ADCY2: variants seen among roughly 807,000 people sequenced by gnomAD.
The protein encoded by ADCY2 is adenylate cyclase 2, also known as adenylate cyclase type 2.
ADCY2 carries 31 observed loss-of-function variants against 125.2 expected under a neutral mutation model. That is an observed-to-expected ratio of 0.25 (90% CI 0.19 to 0.33). The LOEUF (loss-of-function observed/expected upper bound fraction) is 0.33, where lower values mean the gene tolerates loss of function less well. ADCY2 is among the 10% of genes least tolerant of loss of function. The probability of loss-of-function intolerance (pLI) is 1.00; values close to 1 mark genes in which losing one functional copy is unlikely to be tolerated. For missense variants in ADCY2, 904 were observed against 1,418.2 expected (o/e 0.64, Z 5.82); for synonymous variants, 512 against 548.4 (o/e 0.93, Z 0.93).
chr5:7,695,636 A>C (rs1246740259), intron 5 of ADCY2, 116 bp from the exon 6 acceptor site: 2 of 522,542 alleles, frequency 3.8e-6, no homozygotes, highest in Non-Finnish European at 6.5e-6. Flanking sequence ...CCTCTTACTC[A>C]TGAAAATATA....
At chr5:7,491,071 C>T (rs1250827069) in intron 2 of ADCY2, among the ~76,000 whole-genome samples, 1 of 152,058 alleles carries the variant, frequency 6.6e-6, no homozygotes, top group Non-Finnish European at 1.5e-5. Flanking sequence ...TGTTACATGG[C>T]CATCCAAGAG....
At chr5:7,437,417 G>A (rs1307804008) in intron 2 of ADCY2, among the ~76,000 whole-genome samples, 1 of 152,206 alleles carries the variant, frequency 6.6e-6, no homozygotes, top group Non-Finnish European at 1.5e-5. Context: ...GTTCGGAGTG[G>A]AAGTTAAGAG....
chr5:7,784,395 G>T lies in ADCY2; in HGVS notation c.2415G>T (p.Met805Ile). 1 of 1,613,902 alleles carries T rather than the reference G, an allele frequency of 6.2e-7. No homozygotes were observed. The highest frequency in any genetic ancestry group is 8.5e-7 in the Non-Finnish European group (1 of 1,179,952). The change falls in exon 19 of 25, where the codon ATG becomes ATT. Residue 805 changes from methionine to isoleucine, a missense_variant. Coordinates refer to ENST00000338316, the MANE Select transcript of ADCY2 (RefSeq NM_020546.3). ...RPGIWKDLKT[M>I]GSVSLSIFFI... ...GCATTTGGAAAGACCTGAAGACCAT[G>T]GGCTCTGTGTCTCTCTCTATATTCT...
rs1745559128 is a variant in ADCY2, at chr5:7,828,664, C to A, written c.*1793C>A. 1.3e-5 allele frequency: 2 copies of A among 152,320 alleles called. No homozygotes were observed. The highest frequency in any genetic ancestry group is 1.3e-4 in the Admixed American group (2 of 15,284). The allele number at this position is 152,320 out of a possible 1,614,324, so 9.4% of individuals were successfully genotyped here. ...CAACTCAGCATTGGCCTTAATATAC[C>A]TAAATCTCCAAAAACAGTGATTAAA... On this transcript the variant is annotated 3_prime_UTR_variant, in exon 25 of 25. Transcript: ENST00000338316.
intron 1 of ADCY2, among the ~76,000 whole-genome samples, chr5:7,399,002 T>C (rs1739162909): frequency 1.3e-5 from 2 of 152,188 alleles, no homozygotes; most frequent in African/African-American, 4.8e-5. Context: ...GATGAGTTCA[T>C]TTCTTGGGCT....
chr5:7,596,400 A>T (rs1276247418), intron 3 of ADCY2, among the ~76,000 whole-genome samples: 2 of 152,196 alleles, frequency 1.3e-5, no homozygotes, highest in Non-Finnish European at 2.9e-5. Flanking sequence ...CAATGGAGTG[A>T]TCCAATTACT....
chr5:7,739,111 TA>T (rs1742337651), intron 14 of ADCY2, among the ~76,000 whole-genome samples: 1 of 151,870 alleles, frequency 6.6e-6, no homozygotes. Flanking sequence ...CTTGTTTACT[TA>T]AAGTGCACAT....
intron 4 of ADCY2, among the ~76,000 whole-genome samples, chr5:7,639,234 A>G (rs966991818): frequency 1.3e-5 from 2 of 152,184 alleles, no homozygotes; most frequent in Non-Finnish European, 1.5e-5. Flanking sequence ...GTGAGAACAT[A>G]TACTCTCCAA....
chr5:7,607,083 C>G (rs746647654), intron 3 of ADCY2, among the ~76,000 whole-genome samples: 4 of 152,100 alleles, frequency 2.6e-5, no homozygotes, highest in Non-Finnish European at 5.9e-5. Context: ...CCTTTTTGTC[C>G]CACACCACCT....
intron 4 of ADCY2, among the ~76,000 whole-genome samples, chr5:7,679,530 T>A (rs1249519366): frequency 1.3e-5 from 2 of 152,136 alleles, no homozygotes; most frequent in African/African-American, 4.8e-5. Flanking sequence ...GAGGTGATTC[T>A]CTAGGTGACA....
intron 3 of ADCY2, among the ~76,000 whole-genome samples, chr5:7,535,765 G>A (rs1449125410): frequency 6.6e-6 from 1 of 152,154 alleles, no homozygotes; most frequent in African/African-American, 2.4e-5. Context: ...GAAGTTCAAA[G>A]ATCTGGGATT....
At position 7,411,335 on chromosome 5, in the gene ADCY2, T is replaced by C. The variant is rs370190670; in HGVS notation, c.211-3238T>C. ...GTGTGTGGTCTGAGGATGACTCTCC[T>C]CCTCTGCTATGCAGAACCCACCTGC... On this transcript the variant is annotated intron_variant, in intron 1 of 24. Coordinates refer to ENST00000338316, the MANE Select transcript of ADCY2 (RefSeq NM_020546.3). Among the ~76,000 whole-genome samples, 9 of 152,178 alleles carry C rather than the reference T, an allele frequency of 5.9e-5. No homozygotes were observed. In the East Asian group the frequency reaches 1.7e-3, roughly 30 times the overall value.
At chr5:7,440,297 T>C (rs554399617) in intron 2 of ADCY2, among the ~76,000 whole-genome samples, 3 of 152,340 alleles carry the variant, frequency 2.0e-5, no homozygotes, top group African/African-American at 7.2e-5. Flanking sequence ...CAAAGGATGT[T>C]CTTGATTTTC....
chr5:7,438,426 T>C (rs1740889094), intron 2 of ADCY2, among the ~76,000 whole-genome samples: 1 of 151,994 alleles, frequency 6.6e-6, no homozygotes, highest in Admixed American at 6.6e-5. Context: ...ATGGAGAGTA[T>C]TGTGGGGGAA....
chr5:7,614,307 A>G (rs1237607382), intron 3 of ADCY2, among the ~76,000 whole-genome samples: 1 of 152,130 alleles, frequency 6.6e-6, no homozygotes, highest in Non-Finnish European at 1.5e-5. Context: ...ATCCCCTCTG[A>G]GTGGCCCATC....
rs1292354991 is a variant in ADCY2 at position 7,757,658 on chromosome 5, C to G, written c.2094+72C>G. 11 of 1,534,974 alleles carry G rather than the reference C, an allele frequency of 7.2e-6. No individual in the cohort carries two copies. The East Asian group carries it at 2.3e-4, about 32-fold the overall frequency. ...ATGGCCGTGTTCAACATGGTAAGCC[C>G]CAGACCACAGCCGTGTTCAACATGG... is the stretch of plus-strand genomic sequence containing the variant. On this transcript the variant is annotated intron_variant, in intron 16 of 24. Coordinates refer to ENST00000338316, the MANE Select transcript of ADCY2 (RefSeq NM_020546.3).
intron 3 of ADCY2, among the ~76,000 whole-genome samples, chr5:7,529,559 G>A (rs540495914): frequency 2.6e-5 from 4 of 152,154 alleles, no homozygotes; most frequent in Admixed American, 1.3e-4. Flanking sequence ...ACATGGAAGC[G>A]AATGTGAGAG....
intron 1 of ADCY2, among the ~76,000 whole-genome samples, chr5:7,402,945 T>C (rs960938922): frequency 2.0e-5 from 3 of 152,202 alleles, no homozygotes; most frequent in African/African-American, 7.2e-5. Context: ...AGCACTATTG[T>C]AATGGGAGCC....
intron 3 of ADCY2, among the ~76,000 whole-genome samples, chr5:7,550,010 T>C (rs955314066): frequency 1.3e-5 from 2 of 152,276 alleles, no homozygotes; most frequent in East Asian, 3.9e-4. Context: ...GTCTCTCCAC[T>C]TGGTTTTCCT....
Sources: gnomAD v4.1 joint callset for allele counts (sites outside exome capture counted in the v4.1 genomes callset) on GRCh38, gnomAD v4.1.1 for gene constraint, MANE v1.5 for transcripts, NCBI Gene and HGNC (gene_info 2026-07-23, HGNC 2026-07-21) for gene names.